The following SLC20A2 variants were observed in gnomAD, a reference collection of about 807,000 sequenced individuals.
SLC20A2 encodes solute carrier family 20 member 2.
In SLC20A2, 30 loss-of-function variants were observed where a neutral mutation model predicts 61.0. The observed-to-expected ratio is 0.49, with a 90% confidence interval of 0.37 to 0.67. The LOEUF (loss-of-function observed/expected upper bound fraction) is 0.67, where lower values mean the gene tolerates loss of function less well. Ranked by LOEUF, SLC20A2 falls within the 30% of genes least tolerant of loss-of-function variation. The probability of loss-of-function intolerance (pLI) is 0.00; values close to 1 mark genes in which losing one functional copy is unlikely to be tolerated. For synonymous variants in SLC20A2, 351 were observed against 353.3 expected (o/e 0.99, Z 0.07); for missense variants, 626 against 866.4 (o/e 0.72, Z 3.48).
intron 1 of SLC20A2, among the ~76,000 whole-genome samples, chr8:42,483,098 C>T (rs1160917510): frequency 6.6e-6 from 1 of 151,768 alleles, no homozygotes; most frequent in East Asian, 2.0e-4. Flanking sequence ...GTAATCCCAG[C>T]ACTTTGGGAG....
intron 1 of SLC20A2, among the ~76,000 whole-genome samples, chr8:42,525,515 G>A (rs907272336): frequency 6.7e-6 from 1 of 149,528 alleles, no homozygotes; most frequent in African/African-American, 2.5e-5. Context: ...CTGGGAGGTG[G>A]AGGTTGCGAT....
In SLC20A2 at chr8:42,417,683, G is replaced by C. The variant is rs569568894; in HGVS notation, c.*120C>G. On this transcript the variant is annotated 3_prime_UTR_variant, in exon 11 of 11. Transcript: ENST00000520262. ...TGGAGCCTCCTGGAAGGGAGGCAGA[G>C]AGCTGGTCATGAGAGAGCCGTGCAC... is the stretch of plus-strand genomic sequence containing the variant. 4.9e-4 allele frequency: 536 copies of C among 1,093,978 alleles called. 2 individuals carry two copies. In the African/African-American group the frequency reaches 7.7e-3, roughly 16 times the overall value. The allele number at this position is 1,093,978 out of a possible 1,614,324, so 67.8% of individuals were successfully genotyped here. A position where few individuals can be genotyped will look rare whatever the true frequency, so the allele number is the denominator to read the frequency against.
At chr8:42,539,599 T>A (rs968489177) in intron 1 of SLC20A2, among the ~76,000 whole-genome samples, 2 of 149,884 alleles carry the variant, frequency 1.3e-5, no homozygotes, top group African/African-American at 5.1e-5. Flanking sequence ...ATCAACAAAG[T>A]AATAGCCAGT....
At chr8:42,462,063 G>T (rs1393835408) in intron 4 of SLC20A2, among the ~76,000 whole-genome samples, 2 of 152,158 alleles carry the variant, frequency 1.3e-5, no homozygotes, top group African/African-American at 2.4e-5. Flanking sequence ...AAAAGAGAGG[G>T]GACCAGGCGA....
intron 1 of SLC20A2, among the ~76,000 whole-genome samples, chr8:42,483,438 G>C (rs1435175245): frequency 6.6e-6 from 1 of 152,186 alleles, no homozygotes; most frequent in Non-Finnish European, 1.5e-5. Flanking sequence ...ATAGGTTGCA[G>C]CCCACCGAAG....
At chr8:42,523,577 C>A (rs556668361) in intron 1 of SLC20A2, among the ~76,000 whole-genome samples, 22 of 152,280 alleles carry the variant, frequency 1.4e-4, no homozygotes, top group African/African-American at 5.3e-4. Flanking sequence ...CCTTTTAAGT[C>A]ATCAACAGTC....
At chr8:42,504,323 C>T (rs1342138397), upstream of SLC20A2, among the ~76,000 whole-genome samples, 2 of 152,104 alleles carry the variant, frequency 1.3e-5, no homozygotes, top group Admixed American at 1.3e-4. Flanking sequence ...TAACTTTCTT[C>T]ATCACTTTAT....
chr8:42,452,597 AGAG>A (rs1268563297), intron 5 of SLC20A2, among the ~76,000 whole-genome samples: 1 of 148,964 alleles, frequency 6.7e-6, no homozygotes, highest in East Asian at 2.0e-4. Flanking sequence ...GAGATGAAGA[AGAG>A]GAGGATGAGG....
At chr8:42,493,623 CAAA>C (rs1379427924) in intron 1 of SLC20A2, among the ~76,000 whole-genome samples, 1 of 152,280 alleles carries the variant, frequency 6.6e-6, no homozygotes, top group East Asian at 1.9e-4. Context: ...CATTGCTCTC[CAAA>C]TAATACTGAG....
intron 4 of SLC20A2, among the ~76,000 whole-genome samples, chr8:42,462,742 C>A (rs1342451861): frequency 6.6e-6 from 1 of 152,156 alleles, no homozygotes; most frequent in Non-Finnish European, 1.5e-5. Flanking sequence ...GGTCTCAGCA[C>A]AACTCCTGGG....
intron 7 of SLC20A2, 94 bp downstream of exon 7, chr8:42,439,356 T>A (rs1804580082): frequency 6.6e-6 from 8 of 1,203,484 alleles, no homozygotes; most frequent in Non-Finnish European, 9.3e-6. Flanking sequence ...TTTTGTGCAT[T>A]AAAACCAGAT....
chr8:42,520,977 A>T (rs1467345717), intron 1 of SLC20A2, among the ~76,000 whole-genome samples: 1 of 121,156 alleles, frequency 8.3e-6, no homozygotes, highest in Non-Finnish European at 2.0e-5. Context: ...ACAAGGTGCA[A>T]TGTATATTAT....
At position 42,417,272 on chromosome 8, in the gene SLC20A2, T is replaced by C. The variant is rs1460221554; in HGVS notation, c.*531A>G. On this transcript the variant is annotated 3_prime_UTR_variant, in exon 11 of 11. Coordinates refer to ENST00000520262, the MANE Select transcript of SLC20A2 (RefSeq NM_001257180.2). The stretch of plus-strand genomic sequence containing the variant: ...AAGCACTTGTGAGCTCCCGTCCCGC[T>C]GTCATCCCACAGCACGCGACCTCTG... 2.6e-5 allele frequency: 4 copies of C among 154,192 alleles called. No homozygotes were observed. The highest frequency in any genetic ancestry group is 9.6e-5 in the African/African-American group (4 of 41,468). 9.6% of individuals were successfully genotyped at this position (154,192 alleles called of 1,614,324 possible). A position where few individuals can be genotyped will look rare whatever the true frequency, so the allele number is the denominator to read the frequency against.
chr8:42,501,411 GAGA>G (rs1810310447), upstream of SLC20A2: 1 of 152,226 alleles, frequency 6.6e-6, no homozygotes, highest in Non-Finnish European at 1.5e-5. Flanking sequence ...TACTGACAAA[GAGA>G]AGGAGTAAGC....
chr8:42,520,304 G>A (rs920449944), intron 1 of SLC20A2, among the ~76,000 whole-genome samples: 74 of 151,402 alleles, frequency 4.9e-4, no homozygotes, highest in Admixed American at 9.9e-4. Flanking sequence ...ATGAGCCACC[G>A]CGCCCAGCCT....
At chr8:42,497,464 G>A (rs1448796598) in intron 1 of SLC20A2, among the ~76,000 whole-genome samples, 1 of 152,098 alleles carries the variant, frequency 6.6e-6, no homozygotes, top group Non-Finnish European at 1.5e-5. Flanking sequence ...CATGTTTCCA[G>A]GCGGTGCTGA....
At chr8:42,438,356 C>T (rs754398815) in intron 7 of SLC20A2, among the ~76,000 whole-genome samples, 5 of 152,170 alleles carry the variant, frequency 3.3e-5, no homozygotes, top group Non-Finnish European at 5.9e-5. Flanking sequence ...CTCTGTCACC[C>T]AGGCTGGAGT....
At chr8:42,477,439 T>C (rs1382116088) in intron 1 of SLC20A2, among the ~76,000 whole-genome samples, 1 of 149,416 alleles carries the variant, frequency 6.7e-6, no homozygotes, top group Admixed American at 6.7e-5. Flanking sequence ...GATTAAAGAC[T>C]GACACATGTT....
chr8:42,507,699 G>T (rs187762464), intron 1 of SLC20A2, among the ~76,000 whole-genome samples: 1 of 152,326 alleles, frequency 6.6e-6, no homozygotes, highest in African/African-American at 2.4e-5. Flanking sequence ...GCAGAAAGTG[G>T]TGTCAATGAC....
Sources: gnomAD v4.1 joint callset for allele counts (sites outside exome capture counted in the v4.1 genomes callset) on GRCh38, gnomAD v4.1.1 for gene constraint, MANE v1.5 for transcripts, NCBI Gene and HGNC (gene_info 2026-07-23, HGNC 2026-07-21) for gene names.